Variants in VPS13C observed in about 807,000 individuals in gnomAD.
The protein encoded by VPS13C is intermembrane lipid transfer protein VPS13C.
A neutral mutation model predicts 456.8 loss-of-function variants in VPS13C; 358 were observed. That is an observed-to-expected ratio of 0.78 (90% confidence interval 0.72 to 0.86). The LOEUF (loss-of-function observed/expected upper bound fraction) is 0.86. VPS13C is among the 40% of genes least tolerant of loss of function. The probability of loss-of-function intolerance (pLI) is 0.00; values close to 1 mark genes in which losing one functional copy is unlikely to be tolerated. For synonymous variants in VPS13C, 1,578 were observed against 1,486.7 expected (o/e 1.06, Z -1.41); for missense variants, 4,818 against 4,385.4 (o/e 1.10, Z -2.79).
At chr15:62,011,156 T>C (rs1236320308) in intron 12 of VPS13C, among the ~76,000 whole-genome samples, 3 of 152,074 alleles carry the variant, frequency 2.0e-5, no homozygotes, top group Admixed American at 6.6e-5. Context: ...TAAAAAGGTG[T>C]ATCAGGGAAG....
At chr15:61,908,873 C>A (rs1174218194) in intron 65 of VPS13C, 119 bp downstream of exon 65, 2 of 1,175,018 alleles carry the variant, frequency 1.7e-6, no homozygotes, top group Non-Finnish European at 2.3e-6. Flanking sequence ...AGATAAATAC[C>A]ATGTGTTCCA....
chr15:61,933,380 T>C (rs1292717504), intron 49 of VPS13C, among the ~76,000 whole-genome samples: 2 of 152,146 alleles, frequency 1.3e-5, no homozygotes, highest in Non-Finnish European at 2.9e-5. Context: ...AGTAACAATG[T>C]ATGAATATTG....
At chr15:62,005,854 C>G (rs1001441934) in intron 15 of VPS13C, among the ~76,000 whole-genome samples, 1 of 151,814 alleles carries the variant, frequency 6.6e-6, no homozygotes, top group African/African-American at 2.4e-5. Context: ...GGGTGCCCAC[C>G]ACCACGCCCA....
rs758970702 is a variant in VPS13C at position 61,927,065 on chromosome 15, A to C, written c.6516+26T>G. ...ACTGTTTCTGCCATTCTTCAACCCA[A>C]GATTAGGACACAAGGTAATTCTTAC... On this transcript the variant is annotated intron_variant, in intron 52 of 84. Transcript: ENST00000644861. The C allele has an allele frequency of 4.4e-6, 7 of 1,597,426 alleles. No homozygotes were observed. The African/African-American group carries it at 8.1e-5, about 18-fold the overall frequency.
chr15:61,973,753 A>G (rs2045623874), intron 25 of VPS13C, among the ~76,000 whole-genome samples: 2 of 152,164 alleles, frequency 1.3e-5, no homozygotes, highest in Non-Finnish European at 2.9e-5. Context: ...CCACATCTAC[A>G]AGGGCAAAAC....
chr15:62,038,787 A>G (rs994218181), intron 3 of VPS13C, among the ~76,000 whole-genome samples: 6 of 152,152 alleles, frequency 3.9e-5, no homozygotes, highest in Non-Finnish European at 8.8e-5. Flanking sequence ...CAAAACAGCA[A>G]AGTACATAAA....
Position 61,950,349 on chromosome 15 carries a change from A to G in VPS13C, c.4596+9T>C. The G allele has an allele frequency of 6.2e-7, 1 of 1,605,462 alleles. No individual in the cohort carries two copies. Among genetic ancestry groups the G allele is most frequent in the South Asian group, 1.1e-5 (1 of 90,648 alleles). On this transcript the variant is annotated intron_variant, in intron 41 of 84. Transcript: ENST00000644861. ...AACCCAACCTTATAGCAAATTATAA[A>G]AGTTTTACCTTCAGTCTCTGTTTGG...
chr15:61,962,885 C>CAG (rs758719484), intron 32 of VPS13C, 33 bp from the exon 33 acceptor site: 1 of 1,406,756 alleles, frequency 7.1e-7, no homozygotes, highest in African/African-American at 1.4e-5. Flanking sequence ...ATAATTTCTA[C>CAG]AGACCTACCA....
At position 61,913,393 on chromosome 15, in the gene VPS13C, C is replaced by G. The variant is rs2043360953; in HGVS notation, c.8468G>C (p.Ser2823Thr). 1 of 1,614,028 alleles carries G rather than the reference C, an allele frequency of 6.2e-7. No homozygotes were observed. Among genetic ancestry groups the G allele is most frequent in the Non-Finnish European group, 8.5e-7 (1 of 1,179,952 alleles). Reference sequence around the variant, plus strand: ...CAATGAGAAACTACTGGACCAGGCACTGGTTGAAATTTTTAATTGTACCTA... The same window carrying G: ...CAATGAGAAACTACTGGACCAGGCAGTGGTTGAAATTTTTAATTGTACCTA... ...KNKVQLKISTSAWSSSFSLDT... is the reference protein window; with the variant it reads ...KNKVQLKISTTAWSSSFSLDT... Residue 2823 changes from serine (S) to threonine (T), a missense_variant, in exon 62 of 85, where the codon AGT becomes ACT. Ser to Thr is a moderately conservative substitution (Grantham distance 58, BLOSUM62 1). Coordinates refer to ENST00000644861, the MANE Select transcript of VPS13C (RefSeq NM_020821.3).
chr15:61,876,690 T>G (rs1157080373), intron 75 of VPS13C, among the ~76,000 whole-genome samples: 1 of 151,938 alleles, frequency 6.6e-6, no homozygotes, highest in Non-Finnish European at 1.5e-5. Context: ...CTATAATCAC[T>G]GAAGAAATCA....
At chr15:61,960,334 G>A (rs1449887372) in intron 35 of VPS13C, among the ~76,000 whole-genome samples, 1 of 152,146 alleles carries the variant, frequency 6.6e-6, no homozygotes, top group African/African-American at 2.4e-5. Context: ...ATTTCTGTCA[G>A]TACAGAAATC....
rs1596255589 is a variant in VPS13C at position 61,852,619 on chromosome 15, T to C, written c.*1838A>G. ...TTCATATGAAAAATATAATCAGATA[T>C]CTCAAATTCCTAATTCTGTTTTAAA... On this transcript the variant is annotated 3_prime_UTR_variant, in exon 85 of 85. Coordinates refer to ENST00000644861, the MANE Select transcript of VPS13C (RefSeq NM_020821.3). The C allele has an allele frequency of 6.6e-6, 1 of 152,310 alleles. No homozygotes were observed. Among genetic ancestry groups the C allele is most frequent in the Admixed American group, 6.5e-5 (1 of 15,302 alleles). The allele number at this position is 152,310 out of a possible 1,614,324, so 9.4% of individuals were successfully genotyped here.
rs534315958 is a variant in VPS13C at position 62,041,638 on chromosome 15, T to C, written c.145-272A>G. 3.3e-5 allele frequency among the ~76,000 whole-genome samples: 5 copies of C among 152,010 alleles called. No homozygotes were observed. In the East Asian group the frequency reaches 9.7e-4, roughly 29 times the overall value. On this transcript the variant is annotated intron_variant, in intron 2 of 84. Coordinates refer to ENST00000644861, the MANE Select transcript of VPS13C (RefSeq NM_020821.3). ...TTCGAGACCAGCCTGGTCAACATGG[T>C]GAAATCCAGTCTCTACTAAAAATAC...
At chr15:61,978,988 C>G (rs1030789424) in intron 22 of VPS13C, among the ~76,000 whole-genome samples, 1 of 152,162 alleles carries the variant, frequency 6.6e-6, no homozygotes, top group African/African-American at 2.4e-5. Context: ...CATGTTTGAG[C>G]TGTCTGCCTC....
chr15:61,939,854 G>C (rs1476769534), intron 47 of VPS13C, among the ~76,000 whole-genome samples: 2 of 152,030 alleles, frequency 1.3e-5, no homozygotes, highest in Admixed American at 1.3e-4. Flanking sequence ...AATTAGCCAA[G>C]TGGATGGCGG....
intron 3 of VPS13C, among the ~76,000 whole-genome samples, chr15:62,037,239 TA>T (rs1487170334): frequency 1.9e-5 from 1 of 52,632 alleles, no homozygotes. Context: ...TATATATAAA[TA>T]TATATAATAT....
intron 3 of VPS13C, among the ~76,000 whole-genome samples, chr15:62,037,295 A>C (rs1234850183): frequency 1.2e-4 from 9 of 77,402 alleles, no homozygotes; most frequent in Admixed American, 6.9e-4. Flanking sequence ...ATATTATATT[A>C]TATAATATAT....
rs560669948 is a variant in VPS13C at position 61,951,688 on chromosome 15, G to A, written c.4456+136C>T. Reference sequence around the variant, plus strand: ...TGGGTCCCCTAGAACTGTACCCAGGGACTGTTTTTGAAAAGTTGAGTTAAT... The same window carrying A: ...TGGGTCCCCTAGAACTGTACCCAGGAACTGTTTTTGAAAAGTTGAGTTAAT... On this transcript the variant is annotated intron_variant, in intron 39 of 84. Coordinates refer to ENST00000644861, the MANE Select transcript of VPS13C (RefSeq NM_020821.3). 332 of 836,994 alleles carry A rather than the reference G, an allele frequency of 4.0e-4. 4 individuals carry two copies. The South Asian group carries it at 7.9e-3, about 20-fold the overall frequency. 51.8% of individuals were successfully genotyped at this position (836,994 alleles called of 1,614,324 possible).
At chr15:62,015,154 G>A (rs1169584151) in intron 9 of VPS13C, among the ~76,000 whole-genome samples, 1 of 152,148 alleles carries the variant, frequency 6.6e-6, no homozygotes, top group Admixed American at 6.6e-5. Flanking sequence ...ATTAGTCACA[G>A]TTTTCTGGAA....
Sources: allele counts gnomAD v4.1 joint callset (sites outside exome capture counted in the v4.1 genomes callset), GRCh38; gene constraint gnomAD v4.1.1; transcripts MANE v1.5; gene names NCBI Gene and HGNC (gene_info 2026-07-23, HGNC 2026-07-21).